Variants in KIAA0825 observed in about 807,000 individuals in gnomAD.
KIAA0825 encodes KIAA0825, also known as uncharacterized protein KIAA0825.
KIAA0825 carries 119 observed loss-of-function variants against 147.6 expected under a neutral mutation model. The observed-to-expected ratio is 0.81, with a 90% confidence interval of 0.69 to 0.94. The LOEUF is 0.94. KIAA0825 is among the 40% of genes least tolerant of loss of function. The pLI, the probability that KIAA0825 is intolerant of heterozygous loss-of-function variation, is 0.00. For missense variants in KIAA0825, 1,381 were observed against 1,472.7 expected (o/e 0.94, Z 1.02); for synonymous variants, 470 against 518.1 (o/e 0.91, Z 1.26).
At chr5:94,201,085 T>C (rs1771641035) in intron 20 of KIAA0825, among the ~76,000 whole-genome samples, 1 of 149,232 alleles carries the variant, frequency 6.7e-6, no homozygotes, top group African/African-American at 2.4e-5. Flanking sequence ...TGTGGAAGCA[T>C]AATATGTAAA....
intron 20 of KIAA0825, among the ~76,000 whole-genome samples, chr5:94,269,150 T>G (rs1476633321): frequency 6.6e-6 from 1 of 152,136 alleles, no homozygotes; most frequent in Non-Finnish European, 1.5e-5. Context: ...TAATCAAAAT[T>G]AGTCTCTTTA....
Position 94,412,733 on chromosome 5 carries a change from A to T in KIAA0825, c.2662+4468T>A, listed in dbSNP as rs564721277. On this transcript the variant is annotated intron_variant, in intron 15 of 20. Coordinates refer to ENST00000682413, the MANE Select transcript of KIAA0825 (RefSeq NM_001145678.3). ...TTATGAAGTTAAAAATTTACTTATC[A>T]TATCACCTAGCATTTCCACTTCTAA... Among the ~76,000 whole-genome samples, 7 of 152,146 alleles carry T rather than the reference A, an allele frequency of 4.6e-5. No homozygotes were observed. The South Asian group carries it at 1.5e-3, about 32-fold the overall frequency.
intron 20 of KIAA0825, among the ~76,000 whole-genome samples, chr5:94,381,731 T>C (rs1215117392): frequency 6.6e-6 from 1 of 152,122 alleles, no homozygotes; most frequent in East Asian, 1.9e-4. Context: ...ACAATTATTA[T>C]TATTTTATTT....
chr5:94,472,666 C>G (rs546771968), intron 8 of KIAA0825, among the ~76,000 whole-genome samples: 3 of 152,248 alleles, frequency 2.0e-5, no homozygotes, highest in African/African-American at 7.2e-5. Flanking sequence ...ATGGCGTGAA[C>G]CCAGGAGGCG....
intron 16 of KIAA0825, among the ~76,000 whole-genome samples, chr5:94,401,619 C>CTCA (rs971492809): frequency 9.9e-5 from 15 of 152,146 alleles, no homozygotes; most frequent in African/African-American, 3.4e-4. Context: ...CACACACTGG[C>CTCA]TCACTCACAG....
intron 2 of KIAA0825, among the ~76,000 whole-genome samples, chr5:94,541,204 G>A (rs768122125): frequency 6.6e-6 from 1 of 152,178 alleles, no homozygotes; most frequent in African/African-American, 2.4e-5. Context: ...GGGACATGTG[G>A]AGTTAGACGC....
At chr5:94,590,026 G>T (rs529547458) in intron 1 of KIAA0825, among the ~76,000 whole-genome samples, 4 of 152,132 alleles carry the variant, frequency 2.6e-5, no homozygotes, top group Admixed American at 1.3e-4. Flanking sequence ...GTCTCACTCT[G>T]TCACCCAGGC....
intron 15 of KIAA0825, chr5:94,415,570 C>G (rs1182197519): frequency 3.9e-5 from 6 of 152,032 alleles, no homozygotes; most frequent in African/African-American, 1.2e-4. Context: ...CTCATAACCA[C>G]TGCAGGTATC....
chr5:94,357,173 G>T (rs781308394), intron 20 of KIAA0825, among the ~76,000 whole-genome samples: 19 of 152,182 alleles, frequency 1.2e-4, no homozygotes, highest in Non-Finnish European at 2.1e-4. Flanking sequence ...CAGTCCTTCG[G>T]TTAAAACGCA....
rs1261265984 is a variant in KIAA0825 at position 94,464,992 on chromosome 5, C to A, written c.1940G>T (p.Trp647Leu). ...YFCWSLHYDL[W>L]TILPPKLAQE... ...GGCTAACTTAGGAGGCAGAATGGTC[C>A]AGAGATCGTAATGAAGAGACCAGCA... The change falls in exon 11 of 21, where the codon TGG becomes TTG. Residue 647 changes from tryptophan to leucine, a missense_variant. Transcript: ENST00000682413. 5.8e-6 allele frequency: 9 copies of A among 1,551,520 alleles called. No homozygotes were observed. The highest frequency in any genetic ancestry group is 7.8e-6 in the Non-Finnish European group (9 of 1,146,982).
chr5:94,490,685 AAT>A (rs965806300), intron 5 of KIAA0825, among the ~76,000 whole-genome samples: 1 of 151,852 alleles, frequency 6.6e-6, no homozygotes, highest in Non-Finnish European at 1.5e-5. Flanking sequence ...TATATTTGTA[AAT>A]ATATATATAG....
intron 2 of KIAA0825, among the ~76,000 whole-genome samples, chr5:94,537,647 C>CAAA (rs1162517096): frequency 2.8e-4 from 19 of 67,940 alleles, no homozygotes; most frequent in African/African-American, 6.8e-4. Flanking sequence ...GACTCTGTCT[C>CAAA]AAAAAAAAAA....
At chr5:94,234,573 C>T (rs1265457251) in intron 20 of KIAA0825, among the ~76,000 whole-genome samples, 1 of 152,074 alleles carries the variant, frequency 6.6e-6, no homozygotes, top group Non-Finnish European at 1.5e-5. Context: ...ATGATGCTGG[C>T]ATCTGCTTGG....
At position 94,527,662 on chromosome 5, in the gene KIAA0825, A is replaced by T. The variant is rs142929799; in HGVS notation, c.132-3564T>A. On this transcript the variant is annotated intron_variant, in intron 3 of 20. Transcript: ENST00000682413. ...CTTCTTTACCCACAAAATAAGTTCA[A>T]CTTAAGGAAAAGACAAGTCTTTTCA... Among the ~76,000 whole-genome samples the T allele has an allele frequency of 1.5e-4, 23 of 152,196 alleles. No homozygotes were observed. In the East Asian group the frequency reaches 3.5e-3, roughly 23 times the overall value.
intron 20 of KIAA0825, among the ~76,000 whole-genome samples, chr5:94,203,487 T>C (rs1771880992): frequency 6.6e-6 from 1 of 152,186 alleles, no homozygotes; most frequent in South Asian, 2.1e-4. Flanking sequence ...TGAATGATCA[T>C]CTTTGTGATT....
rs1304762165 is a variant in KIAA0825, at chr5:94,484,676, T to G, written c.1132+93A>C. On this transcript the variant is annotated intron_variant, in intron 6 of 20. Coordinates refer to ENST00000682413, the MANE Select transcript of KIAA0825 (RefSeq NM_001145678.3). ...TATTTAAAGAATTCTTTCATGTGTGTTTTTTTCAAGTAATCGTTTTCATTC... is the reference window on the plus strand; with the variant it reads ...TATTTAAAGAATTCTTTCATGTGTGGTTTTTTCAAGTAATCGTTTTCATTC... 4.8e-6 allele frequency: 4 copies of G among 833,568 alleles called. No individual in the cohort carries two copies. The Admixed American group carries it at 1.3e-4, about 27-fold the overall frequency. The allele number at this position is 833,568 out of a possible 1,614,324, so 51.6% of individuals were successfully genotyped here. A position where few individuals can be genotyped will look rare whatever the true frequency, so the allele number is the denominator to read the frequency against.
intron 14 of KIAA0825, among the ~76,000 whole-genome samples, chr5:94,431,088 G>A (rs945480373): frequency 6.6e-6 from 1 of 152,118 alleles, no homozygotes; most frequent in Non-Finnish European, 1.5e-5. Context: ...TGCATAGAGA[G>A]CACAGGAGTA....
At chr5:94,308,668 G>GCATT (rs1222607419) in intron 20 of KIAA0825, among the ~76,000 whole-genome samples, 4 of 151,756 alleles carry the variant, frequency 2.6e-5, no homozygotes, top group East Asian at 1.9e-4. Flanking sequence ...GTGAGTATCT[G>GCATT]CATTCATTCA....
rs1478266012 is a variant in KIAA0825 at position 94,154,088 on chromosome 5, T to C, written c.3747A>G (p.Glu1249=). The C allele has an allele frequency of 6.4e-7, 1 of 1,551,656 alleles. No individual in the cohort carries two copies. Among genetic ancestry groups the C allele is most frequent in the African/African-American group, 1.4e-5 (1 of 73,182 alleles). ...TTAAGTGCTCCAGTATTGCTTTTTC[T>C]TCCTCTTCTAGTGTTTCATCCTTCT... is the stretch of plus-strand genomic sequence containing the variant. ...EMKKDETLEE[E]EKAILEHLKQ... is the part of the protein sequence containing the mutation. Residue 1249 remains glutamate, a synonymous_variant, in exon 21 of 21, where the codon GAA becomes GAG. Transcript: ENST00000682413.
Sources: gnomAD v4.1 joint callset for allele counts (sites outside exome capture counted in the v4.1 genomes callset) on GRCh38, gnomAD v4.1.1 for gene constraint, MANE v1.5 for transcripts, NCBI Gene and HGNC (gene_info 2026-07-23, HGNC 2026-07-21) for gene names.